The following MOB1B variants were observed in gnomAD, a reference collection of about 807,000 sequenced individuals.
MOB1B encodes MOB1 Mps One Binder homolog B.
A neutral mutation model predicts 24.4 loss-of-function variants in MOB1B; 19 were observed. The ratio of observed to expected loss-of-function variants is 0.78; its 90% confidence interval spans 0.54 to 1.14. MOB1B has a LOEUF of 1.14. Ranked by LOEUF, MOB1B falls within the 50% of genes most tolerant of loss-of-function variation. The probability of loss-of-function intolerance (pLI) is 0.00; values close to 1 mark genes in which losing one functional copy is unlikely to be tolerated. For missense variants in MOB1B, 243 were observed against 259.6 expected (o/e 0.94, Z 0.44); for synonymous variants, 76 against 82.1 (o/e 0.93, Z 0.40).
intron 1 of MOB1B, among the ~76,000 whole-genome samples, chr4:70,908,152 A>G (rs1407996659): frequency 6.6e-6 from 1 of 150,532 alleles, no homozygotes; most frequent in East Asian, 2.0e-4. Context: ...CAGCCTCTCG[A>G]GTAGCTGGGA....
chr4:70,902,276 G>A (rs1287093592), upstream of MOB1B: 1 of 582,106 alleles, frequency 1.7e-6, no homozygotes, highest in Non-Finnish European at 3.1e-6. Context: ...GCTGGGGAGG[G>A]GCTCGCGGAG....
In MOB1B at chr4:70,902,487, C is replaced by A; in HGVS notation, c.-50C>A. 6.5e-7 allele frequency: 1 copy of A among 1,549,708 alleles called. No individual in the cohort carries two copies. Among genetic ancestry groups the A allele is most frequent in the African/African-American group, 1.4e-5 (1 of 73,294 alleles). ...TTTCCTCTTCTTTCCTGGCCCACGC[C>A]GCTCCGAGGCCTCGCGACCGCCGAG... On this transcript the variant is annotated 5_prime_UTR_variant, in exon 1 of 6. Transcript: ENST00000309395.
chr4:70,920,500 C>T (rs1736391168), intron 1 of MOB1B, among the ~76,000 whole-genome samples: 1 of 152,242 alleles, frequency 6.6e-6, no homozygotes, highest in African/African-American at 2.4e-5. Context: ...GCTAGGATTA[C>T]AGGCATGAGC....
intron 4 of MOB1B, among the ~76,000 whole-genome samples, chr4:70,977,296 G>A (rs1739045661): frequency 1.3e-5 from 2 of 152,080 alleles, no homozygotes; most frequent in Admixed American, 1.3e-4. Flanking sequence ...CATCGATATT[G>A]TTGAGGAGTG....
chr4:70,978,753 G>A (rs1739094951), intron 4 of MOB1B, among the ~76,000 whole-genome samples: 1 of 152,122 alleles, frequency 6.6e-6, no homozygotes, highest in African/African-American at 2.4e-5. Flanking sequence ...AACTGAAGGT[G>A]GTTAATGCAT....
At chr4:70,937,027 C>T (rs1234794001) in intron 1 of MOB1B, among the ~76,000 whole-genome samples, 2 of 151,862 alleles carry the variant, frequency 1.3e-5, no homozygotes, top group Non-Finnish European at 2.9e-5. Context: ...AGCTATTCTC[C>T]TGCCTCAGCC....
intron 1 of MOB1B, among the ~76,000 whole-genome samples, chr4:70,941,602 A>G (rs1191422983): frequency 1.3e-5 from 2 of 152,092 alleles, no homozygotes; most frequent in African/African-American, 2.4e-5. Context: ...CGGCCTCCCA[A>G]AGTGCTGGGA....
chr4:70,927,516 GGCAACAGA>G (rs1736701837), intron 1 of MOB1B, among the ~76,000 whole-genome samples: 1 of 151,926 alleles, frequency 6.6e-6, no homozygotes, highest in South Asian at 2.1e-4. Context: ...CCCCAGCCTG[GGCAACAGA>G]GTGAGAATCT....
chr4:70,920,689 T>C (rs28855524), intron 1 of MOB1B, among the ~76,000 whole-genome samples: 6,380 of 152,254 alleles, frequency 0.042, 436 homozygotes, highest in African/African-American at 0.14. Context: ...TCTCTCTGAG[T>C]GATCCTAGTG....
intron 2 of MOB1B, 136 bp downstream of exon 2, chr4:70,959,176 T>A: frequency 1.5e-6 from 1 of 664,140 alleles, no homozygotes; most frequent in Non-Finnish European, 2.5e-6. Flanking sequence ...AATCTAACTT[T>A]AACCTTCATG....
At position 70,902,448 on chromosome 4, in the gene MOB1B, C is replaced by T. The variant is rs543750464; in HGVS notation, c.-89C>T. On this transcript the variant is annotated 5_prime_UTR_variant, in exon 1 of 6. Coordinates refer to ENST00000309395, the MANE Select transcript of MOB1B (RefSeq NM_173468.4). ...ACCTCCTCCTCCGCCTCCCTGTCTC[C>T]TGTTCCATTCGCCTTTCCTCTTCTT... The T allele has an allele frequency of 1.9e-5, 27 of 1,405,970 alleles. No individual in the cohort carries two copies. In the South Asian group the frequency reaches 2.8e-4, roughly 15 times the overall value. 87.1% of individuals were successfully genotyped at this position (1,405,970 alleles called of 1,614,324 possible).
At chr4:70,924,733 A>T (rs1736582428) in intron 1 of MOB1B, among the ~76,000 whole-genome samples, 1 of 152,118 alleles carries the variant, frequency 6.6e-6, no homozygotes, top group South Asian at 2.1e-4. Context: ...GAGTGAGGAC[A>T]TGTGGTGTTT....
chr4:70,907,734 AC>A lies in MOB1B; in HGVS notation c.14+5187del, dbSNP rs754024346. The stretch of plus-strand genomic sequence containing the variant: ...AGGCTGAAGTGGGTGGATTGCTTGA[AC>A]CCAGGAGGCAGAAATTGCAGTGAGC... On this transcript the variant is annotated intron_variant, in intron 1 of 5. Transcript: ENST00000309395. 5.3e-5 allele frequency among the ~76,000 whole-genome samples: 8 copies of A among 152,124 alleles called. No individual in the cohort carries two copies. The East Asian group carries it at 1.6e-3, about 29-fold the overall frequency.
chr4:70,947,275 G>GT (rs1737624738), intron 1 of MOB1B, among the ~76,000 whole-genome samples: 1 of 152,066 alleles, frequency 6.6e-6, no homozygotes. Flanking sequence ...GTTGATTTTT[G>GT]TTTTTCTTTT....
At chr4:70,975,110 G>T in intron 3 of MOB1B, 43 bp from the exon 4 acceptor site, 2 of 1,512,230 alleles carry the variant, frequency 1.3e-6, no homozygotes, top group Non-Finnish European at 1.8e-6. Context: ...CTGTGTATAG[G>T]TATATACTAA....
At chr4:70,922,364 A>G (rs1736470157) in intron 1 of MOB1B, among the ~76,000 whole-genome samples, 1 of 152,206 alleles carries the variant, frequency 6.6e-6, no homozygotes, top group African/African-American at 2.4e-5. Context: ...CTTAATTTTT[A>G]CTTTTAACAA....
chr4:70,984,578 A>ATTAGCTTTATAC lies in MOB1B; in HGVS notation c.*2521_*2522insTTAGCTTTATAC, dbSNP rs1739322064. 3 of 152,204 alleles carry ATTAGCTTTATAC rather than the reference A, an allele frequency of 2.0e-5. No individual in the cohort carries two copies. Among genetic ancestry groups the ATTAGCTTTATAC allele is most frequent in the Non-Finnish European group, 2.9e-5 (2 of 68,022 alleles). The allele number at this position is 152,204 out of a possible 1,614,324, so 9.4% of individuals were successfully genotyped here. A position where few individuals can be genotyped will look rare whatever the true frequency, so the allele number is the denominator to read the frequency against. ...TATTAATACGTAGCTATAAAGCAAC[A>ATTAGCTTTATAC]GTTGGTTTTCTTATCCTTTGATAAA... On this transcript the variant is annotated 3_prime_UTR_variant, in exon 6 of 6. Transcript: ENST00000309395.
At chr4:70,959,426 A>T (rs974082151) in intron 2 of MOB1B, among the ~76,000 whole-genome samples, 1 of 152,058 alleles carries the variant, frequency 6.6e-6, no homozygotes, top group Non-Finnish European at 1.5e-5. Context: ...GTTGTCCAGG[A>T]TTGTCTTGAA....
intron 2 of MOB1B, among the ~76,000 whole-genome samples, chr4:70,959,330 C>G (rs185468485): frequency 1.1e-3 from 173 of 152,288 alleles, no homozygotes; most frequent in African/African-American, 4.0e-3. Context: ...CACCCTCAGC[C>G]TCTAGCGTAG....
Sources: allele counts gnomAD v4.1 joint callset (sites outside exome capture counted in the v4.1 genomes callset), GRCh38; gene constraint gnomAD v4.1.1; transcripts MANE v1.5; gene names NCBI Gene and HGNC (gene_info 2026-07-23, HGNC 2026-07-21).